The following MARCHF1 variants were observed in gnomAD, a reference collection of about 807,000 sequenced individuals.
MARCHF1 encodes E3 ubiquitin-protein ligase MARCHF1.
Under a neutral mutation model 54.2 loss-of-function variants are expected in MARCHF1, and 40 were observed. That is an observed-to-expected ratio of 0.74 (90% confidence interval 0.57 to 0.96). The LOEUF is 0.96. Among genes scored for constraint, MARCHF1 ranks in the 40% least tolerant of loss-of-function variants. The pLI is 0.00. For missense variants in MARCHF1, 586 were observed against 656.5 expected, an observed-to-expected ratio of 0.89 and a Z score of 1.17; for synonymous variants, 236 against 236.3, an observed-to-expected ratio of 1.00 and a Z score of 0.01.
chr4:164,309,939 A>C (rs1008593249), intron 1 of MARCHF1, among the ~76,000 whole-genome samples: 4 of 152,060 alleles, frequency 2.6e-5, no homozygotes, highest in Admixed American at 2.6e-4. Context: ...GTGTGAAACC[A>C]AGCCCACGTA....
chr4:164,039,030 A>G (rs947615185), intron 2 of MARCHF1, among the ~76,000 whole-genome samples: 2 of 152,220 alleles, frequency 1.3e-5, no homozygotes, highest in African/African-American at 4.8e-5. Context: ...TTTAATGCAT[A>G]TTTTCAAGAG....
chr4:163,597,577 T>C (rs1243671561), intron 7 of MARCHF1, among the ~76,000 whole-genome samples: 3 of 152,214 alleles, frequency 2.0e-5, no homozygotes, highest in Non-Finnish European at 4.4e-5. Flanking sequence ...TACATTAAAA[T>C]GTTTTCTCTA....
chr4:164,051,932 A>G (rs937440006), intron 2 of MARCHF1, among the ~76,000 whole-genome samples: 4 of 152,158 alleles, frequency 2.6e-5, no homozygotes, highest in African/African-American at 9.7e-5. Flanking sequence ...AATGCAAAAG[A>G]ATTTTGATTT....
intron 5 of MARCHF1, among the ~76,000 whole-genome samples, chr4:163,654,854 A>G (rs1743085994): frequency 6.6e-6 from 1 of 151,718 alleles, no homozygotes; most frequent in Admixed American, 6.6e-5. Flanking sequence ...GTCATTAAAC[A>G]TTGAGTATGA....
chr4:163,765,439 A>G (rs1018235634), intron 4 of MARCHF1, among the ~76,000 whole-genome samples: 4 of 152,106 alleles, frequency 2.6e-5, no homozygotes, highest in African/African-American at 7.2e-5. Context: ...AAAACCACCA[A>G]CCAATACTCT....
intron 2 of MARCHF1, among the ~76,000 whole-genome samples, chr4:164,040,909 C>G (rs1754115026): frequency 6.6e-6 from 1 of 151,984 alleles, no homozygotes; most frequent in Non-Finnish European, 1.5e-5. Context: ...TAATATAAAT[C>G]CTGTGTTTTA....
chr4:163,645,149 C>G (rs985809793), intron 5 of MARCHF1, among the ~76,000 whole-genome samples: 6 of 152,152 alleles, frequency 3.9e-5, no homozygotes, highest in Non-Finnish European at 5.9e-5. Flanking sequence ...AAAGTGGACC[C>G]TCATCCCAGT....
chr4:164,125,375 T>C (rs1756157947), intron 1 of MARCHF1, among the ~76,000 whole-genome samples: 1 of 152,076 alleles, frequency 6.6e-6, no homozygotes, highest in Admixed American at 6.6e-5. Context: ...TCATTGCACC[T>C]CCCACTCTGC....
chr4:163,630,873 G>C (rs1274705907), intron 5 of MARCHF1, among the ~76,000 whole-genome samples: 1 of 151,494 alleles, frequency 6.6e-6, no homozygotes, highest in Non-Finnish European at 1.5e-5. Flanking sequence ...CTGAGAGAAT[G>C]CCAGAAGAAA....
At chr4:163,949,013 C>T (rs1196296190) in intron 3 of MARCHF1, among the ~76,000 whole-genome samples, 1 of 152,224 alleles carries the variant, frequency 6.6e-6, no homozygotes, top group Non-Finnish European at 1.5e-5. Flanking sequence ...TGGGAAATCT[C>T]TGTGGCCAAT....
At chr4:164,068,949 G>C (rs919934437) in intron 2 of MARCHF1, among the ~76,000 whole-genome samples, 8 of 151,902 alleles carry the variant, frequency 5.3e-5, no homozygotes, top group African/African-American at 1.9e-4. Flanking sequence ...CAGGGTTTGT[G>C]AATGCACCAA....
intron 4 of MARCHF1, among the ~76,000 whole-genome samples, chr4:163,817,306 C>T (rs1452418235): frequency 6.7e-6 from 1 of 149,896 alleles, no homozygotes; most frequent in African/African-American, 2.4e-5. Context: ...TACATACATA[C>T]ATATATATGT....
At chr4:163,589,515 T>C (rs1740516074) in intron 7 of MARCHF1, among the ~76,000 whole-genome samples, 1 of 152,150 alleles carries the variant, frequency 6.6e-6, no homozygotes, top group Non-Finnish European at 1.5e-5. Context: ...TCAAATCATG[T>C]TGAGATTGTT....
intron 1 of MARCHF1, among the ~76,000 whole-genome samples, chr4:164,170,595 A>G (rs1354220406): frequency 6.6e-6 from 1 of 152,008 alleles, no homozygotes. Context: ...CCTTCCCTCA[A>G]AAAGCCAAGA....
chr4:163,803,485 T>A (rs1486784534), intron 4 of MARCHF1, among the ~76,000 whole-genome samples: 1 of 149,054 alleles, frequency 6.7e-6, no homozygotes, highest in East Asian at 1.9e-4. Context: ...AACATATTAT[T>A]ACGGAGTATA....
chr4:163,889,926 CTTTTTTT>C (rs1230221196), intron 3 of MARCHF1, among the ~76,000 whole-genome samples: 3 of 50,842 alleles, frequency 5.9e-5, no homozygotes, highest in African/African-American at 1.2e-4. Flanking sequence ...TTTCTTTTTT[CTTTTTTT>C]TTTTTTTTTG....
At chr4:164,034,495 C>A (rs564905196) in intron 2 of MARCHF1, among the ~76,000 whole-genome samples, 1 of 152,222 alleles carries the variant, frequency 6.6e-6, no homozygotes, top group African/African-American at 2.4e-5. Flanking sequence ...GAAAATAAAT[C>A]ATTATGTCAA....
chr4:163,634,190 A>G (rs1742221640), intron 5 of MARCHF1, among the ~76,000 whole-genome samples: 1 of 152,106 alleles, frequency 6.6e-6, no homozygotes, highest in Non-Finnish European at 1.5e-5. Flanking sequence ...TGCATCAACT[A>G]ATGAGCAAAA....
intron 3 of MARCHF1, among the ~76,000 whole-genome samples, chr4:163,920,103 T>C (rs1751391950): frequency 6.6e-6 from 1 of 152,102 alleles, no homozygotes; most frequent in Non-Finnish European, 1.5e-5. Context: ...GTAAATGTCC[T>C]ATGTAGGATT....
Sources: allele counts gnomAD v4.1 joint callset (sites outside exome capture counted in the v4.1 genomes callset), GRCh38; gene constraint gnomAD v4.1.1; transcripts MANE v1.5; gene names NCBI Gene and HGNC (gene_info 2026-07-23, HGNC 2026-07-21).